Variants in BCAS3 observed in about 807,000 individuals in gnomAD.
BCAS3 encodes BCAS3 microtubule associated cell migration factor.
A neutral mutation model predicts 116.1 loss-of-function variants in BCAS3; 53 were observed. That is an observed-to-expected ratio of 0.46 (90% confidence interval 0.37 to 0.57). BCAS3 has a LOEUF of 0.57. Ranked by LOEUF, BCAS3 falls within the 20% of genes least tolerant of loss-of-function variation. The pLI is 0.00. For missense variants in BCAS3, 917 were observed against 1,165.4 expected (o/e 0.79, Z 3.10); for synonymous variants, 391 against 408.2 (o/e 0.96, Z 0.51).
At position 61,020,949 on chromosome 17, in the gene BCAS3, TGAAG is replaced by T. The variant is rs1238222420; in HGVS notation, c.1637+5049_1637+5052del. On this transcript the variant is annotated intron_variant, in intron 16 of 23. Coordinates refer to ENST00000407086, the MANE Select transcript of BCAS3 (RefSeq NM_017679.5). This position sits in a 1 kb window ranked among gnomAD's most constrained non-coding sequence, Gnocchi z 4.5. ...CTCTTACTAGGTGGAGCACTTTTTG[TGAAG>T]TAAACATGGGATGATTTGCTCTCTC... Among the ~76,000 whole-genome samples the T allele has an allele frequency of 3.3e-5, 5 of 152,224 alleles. No individual in the cohort carries two copies. The highest frequency in any genetic ancestry group is 5.9e-5 in the Non-Finnish European group (4 of 68,034).
intron 22 of BCAS3, among the ~76,000 whole-genome samples, chr17:61,142,046 CCTT>C (rs1440948751): frequency 6.6e-6 from 1 of 151,542 alleles, no homozygotes; most frequent in East Asian, 1.9e-4. Flanking sequence ...GATATATACA[CCTT>C]CTCATTTATT....
intron 13 of BCAS3, among the ~76,000 whole-genome samples, chr17:60,942,486 A>G (rs2060276813): frequency 6.6e-6 from 1 of 152,194 alleles, no homozygotes. Context: ...AACAGTAAGT[A>G]AAGAATATAA....
chr17:61,145,647 T>G lies in BCAS3; in HGVS notation c.2425+61083T>G, dbSNP rs1245922065. 6.6e-6 allele frequency among the ~76,000 whole-genome samples: 1 copy of G among 152,168 alleles called. No homozygotes were observed. The highest frequency in any genetic ancestry group is 1.5e-5 in the Non-Finnish European group (1 of 68,036). ...TAATGTTACTTTAAAAAATTATTCT[T>G]AAATGTTCAGCACAAATATCCCTCC... On this transcript the variant is annotated intron_variant, in intron 22 of 23. Coordinates refer to ENST00000407086, the MANE Select transcript of BCAS3 (RefSeq NM_017679.5). The surrounding 1 kb of genome is among the most constrained non-coding windows in gnomAD (Gnocchi z 5.0).
At chr17:61,038,939 G>A (rs2145614479) in intron 18 of BCAS3, among the ~76,000 whole-genome samples, 1 of 152,032 alleles carries the variant, frequency 6.6e-6, no homozygotes, top group African/African-American at 2.4e-5. Flanking sequence ...GGTTTTATAG[G>A]GATGAGCACC....
At chr17:60,844,279 A>G (rs534529162) in intron 7 of BCAS3, among the ~76,000 whole-genome samples, 1 of 152,144 alleles carries the variant, frequency 6.6e-6, no homozygotes, top group Non-Finnish European at 1.5e-5. Context: ...CACAACTAAT[A>G]TAAATTTATC....
intron 22 of BCAS3, among the ~76,000 whole-genome samples, chr17:61,123,268 C>T (rs946989621): frequency 5.3e-5 from 8 of 152,018 alleles, no homozygotes; most frequent in Admixed American, 5.2e-4. Context: ...TTTAATTTCT[C>T]TCTACACTAC....
chr17:61,107,604 G>A (rs1228762891), intron 22 of BCAS3, among the ~76,000 whole-genome samples: 4 of 152,000 alleles, frequency 2.6e-5, no homozygotes, highest in East Asian at 3.8e-4. Context: ...TGAATTTTAC[G>A]ATATGTGACC....
intron 22 of BCAS3, among the ~76,000 whole-genome samples, chr17:61,335,673 A>G (rs2143168414): frequency 6.6e-6 from 1 of 152,342 alleles, no homozygotes; most frequent in South Asian, 2.1e-4. Flanking sequence ...GCTAGAGGCC[A>G]GAAGTTCAAG....
rs777612689 is a variant in BCAS3, at chr17:61,144,968, T to A, written c.2425+60404T>A. 6.6e-6 allele frequency among the ~76,000 whole-genome samples: 1 copy of A among 152,226 alleles called. No individual in the cohort carries two copies. The highest frequency in any genetic ancestry group is 1.5e-5 in the Non-Finnish European group (1 of 68,040). On this transcript the variant is annotated intron_variant, in intron 22 of 23. Transcript: ENST00000407086. This position sits in a 1 kb window ranked among gnomAD's most constrained non-coding sequence, Gnocchi z 5.0. ...TAAAACATAAAAATATAAAAGTGCTTAAAATTTTCTTTCTGTTTCCTTATC... is the reference window on the plus strand; with the variant it reads ...TAAAACATAAAAATATAAAAGTGCTAAAAATTTTCTTTCTGTTTCCTTATC...
At chr17:60,808,158 C>A in intron 7 of BCAS3, 82 bp downstream of exon 7, 2 of 956,764 alleles carry the variant, frequency 2.1e-6, no homozygotes, top group Non-Finnish European at 3.2e-6. Flanking sequence ...GTTATAAAAC[C>A]TTTGTAACCA....
intron 22 of BCAS3, among the ~76,000 whole-genome samples, chr17:61,119,389 A>G (rs752345138): frequency 6.6e-6 from 1 of 152,180 alleles, no homozygotes; most frequent in Non-Finnish European, 1.5e-5. Flanking sequence ...ATTATAAAAT[A>G]TATTATTGTA....
intron 7 of BCAS3, among the ~76,000 whole-genome samples, chr17:60,830,286 G>A (rs768690622): frequency 6.6e-6 from 1 of 152,132 alleles, no homozygotes; most frequent in Non-Finnish European, 1.5e-5. Flanking sequence ...ACTGCGCCCA[G>A]CCTGAACACT....
At chr17:60,785,982 G>C (rs1454285986) in intron 6 of BCAS3, among the ~76,000 whole-genome samples, 1 of 152,116 alleles carries the variant, frequency 6.6e-6, no homozygotes, top group Non-Finnish European at 1.5e-5. Context: ...ATGATTTAAA[G>C]TACACAGGAG....
intron 7 of BCAS3, among the ~76,000 whole-genome samples, chr17:60,844,649 G>A (rs1222894836): frequency 1.3e-5 from 2 of 152,158 alleles, no homozygotes; most frequent in Non-Finnish European, 1.5e-5. Context: ...CTTGTATCAA[G>A]CATGACCATC....
At chr17:61,320,081 G>A (rs903606280) in intron 22 of BCAS3, among the ~76,000 whole-genome samples, 6 of 151,254 alleles carry the variant, frequency 4.0e-5, no homozygotes, top group African/African-American at 1.2e-4. Flanking sequence ...GTAGAGACAG[G>A]GTTTTGCTAT....
chr17:60,880,965 G>C (rs149195754), intron 9 of BCAS3, among the ~76,000 whole-genome samples: 27 of 150,898 alleles, frequency 1.8e-4, no homozygotes, highest in Middle Eastern at 3.4e-3. Flanking sequence ...TTTTTGTTTT[G>C]TTTTGTTTTG....
intron 4 of BCAS3, among the ~76,000 whole-genome samples, chr17:60,707,705 T>C (rs1440021488): frequency 2.6e-5 from 4 of 151,912 alleles, no homozygotes; most frequent in African/African-American, 9.7e-5. Context: ...TTTTTAAAAA[T>C]AAAATAACTA....
rs143591456 is a variant in BCAS3, at chr17:61,235,171, A to G, written c.2426-133156A>G. 2.7e-3 allele frequency among the ~76,000 whole-genome samples: 417 copies of G among 152,202 alleles called. 2 individuals are homozygous for G. The highest frequency in any genetic ancestry group is 9.4e-3 in the African/African-American group (389 of 41,544). On this transcript the variant is annotated intron_variant, in intron 22 of 23. Transcript: ENST00000407086. The surrounding 1 kb of genome is among the most constrained non-coding windows in gnomAD (Gnocchi z 5.0). ...CAAAGTGCTGGGATTATAGGCGTGA[A>G]CCACCACGCCTGGCTGTCTGCCCCC...
chr17:60,960,829 G>A lies in BCAS3; in HGVS notation c.1221+13477G>A, dbSNP rs955379681. On this transcript the variant is annotated intron_variant, in intron 14 of 23. Coordinates refer to ENST00000407086, the MANE Select transcript of BCAS3 (RefSeq NM_017679.5). This position sits in a 1 kb window ranked among gnomAD's most constrained non-coding sequence, Gnocchi z 4.1. ...TTTGTGCCTTTCAGTCCAAGATGGC[G>A]GTGTTTCTGCAGATACTACATTCTC... 3.9e-4 allele frequency among the ~76,000 whole-genome samples: 59 copies of A among 151,344 alleles called. 2 individuals carry two copies. Among genetic ancestry groups the A allele is most frequent in the Non-Finnish European group, 1.0e-4 (7 of 67,914 alleles).
Sources: allele counts gnomAD v4.1 joint callset (sites outside exome capture counted in the v4.1 genomes callset), GRCh38; gene constraint gnomAD v4.1.1; non-coding constraint Gnocchi (gnomAD v3.1); transcripts MANE v1.5; gene names NCBI Gene and HGNC (gene_info 2026-07-23, HGNC 2026-07-21).